Variants in LONP2 observed in about 807,000 individuals in gnomAD.
LONP2 encodes lon protease homolog 2, peroxisomal.
In LONP2, 60 loss-of-function variants were observed where a neutral mutation model predicts 85.6. That is an observed-to-expected ratio of 0.70 (90% CI 0.57 to 0.87). The LOEUF (loss-of-function observed/expected upper bound fraction) is 0.87. LONP2 is among the 40% of genes least tolerant of loss of function. The pLI is 0.00. For missense variants in LONP2, 860 were observed against 1,063.5 expected (o/e 0.81, Z 2.66); for synonymous variants, 395 against 389.7 (o/e 1.01, Z -0.16).
intron 7 of LONP2, among the ~76,000 whole-genome samples, chr16:48,275,763 G>A (rs1047206945): frequency 1.3e-5 from 2 of 152,068 alleles, no homozygotes; most frequent in African/African-American, 2.4e-5. Context: ...GAAAAGCCTC[G>A]AACTCCAGAC....
chr16:48,330,347 G>C (rs987179179), intron 11 of LONP2, among the ~76,000 whole-genome samples: 1 of 152,206 alleles, frequency 6.6e-6, no homozygotes, highest in Non-Finnish European at 1.5e-5. Flanking sequence ...TGAACTTTTT[G>C]TTGTTGGTTT....
At chr16:48,358,102 AT>A (rs1960441770), downstream of LONP2, among the ~76,000 whole-genome samples, 1 of 152,256 alleles carries the variant, frequency 6.6e-6, no homozygotes, top group African/African-American at 2.4e-5. Flanking sequence ...ACCAAGAAAT[AT>A]GGCTATAGAT....
intron 10 of LONP2, among the ~76,000 whole-genome samples, chr16:48,301,522 C>T (rs905270464): frequency 2.6e-5 from 4 of 151,548 alleles, no homozygotes; most frequent in Non-Finnish European, 4.4e-5. Flanking sequence ...GTAATCCCAG[C>T]TACTCGGGAG....
intron 7 of LONP2, among the ~76,000 whole-genome samples, chr16:48,273,282 C>T (rs999245201): frequency 1.8e-4 from 27 of 152,062 alleles, no homozygotes; most frequent in African/African-American, 5.8e-4. Context: ...AAAGTACCTG[C>T]GTATGAGAAG....
intron 11 of LONP2, 90 bp downstream of exon 11, chr16:48,303,395 G>C: frequency 6.6e-7 from 1 of 1,503,772 alleles, no homozygotes; most frequent in Non-Finnish European, 9.2e-7. Flanking sequence ...GTGTTGGGTA[G>C]TCCTTGGAGC....
intron 8 of LONP2, among the ~76,000 whole-genome samples, chr16:48,292,558 C>T (rs375261160): frequency 9.2e-5 from 14 of 152,266 alleles, no homozygotes; most frequent in East Asian, 7.7e-4. Flanking sequence ...AAGTCTGCCT[C>T]CTTACATATT....
intron 1 of LONP2, among the ~76,000 whole-genome samples, chr16:48,246,172 G>T (rs1971375300): frequency 6.6e-6 from 1 of 151,818 alleles, no homozygotes; most frequent in Admixed American, 6.6e-5. Context: ...TTCCACAGCA[G>T]CCCAGTATTC....
intron 14 of LONP2, among the ~76,000 whole-genome samples, chr16:48,349,619 A>G (rs538254900): frequency 6.6e-6 from 1 of 152,352 alleles, no homozygotes; most frequent in South Asian, 2.1e-4. Flanking sequence ...AGCACTTGAA[A>G]GAAAGGCCTG....
chr16:48,359,341 A>G (rs1960489664), downstream of LONP2, among the ~76,000 whole-genome samples: 1 of 152,222 alleles, frequency 6.6e-6, no homozygotes, highest in Non-Finnish European at 1.5e-5. Flanking sequence ...TTAAATATGG[A>G]ATAAAAGTCA....
chr16:48,287,424 C>T (rs963665263), intron 8 of LONP2, among the ~76,000 whole-genome samples: 3 of 152,230 alleles, frequency 2.0e-5, no homozygotes, highest in Admixed American at 1.3e-4. Context: ...GTTTCATTGC[C>T]TCAGGCAGCT....
chr16:48,249,407 A>G (rs1971564869), intron 1 of LONP2, among the ~76,000 whole-genome samples: 1 of 152,242 alleles, frequency 6.6e-6, no homozygotes, highest in Non-Finnish European at 1.5e-5. Context: ...AACCTTTTGT[A>G]TATCATAGAA....
intron 7 of LONP2, 139 bp downstream of exon 7, chr16:48,270,413 A>G (rs1254230165): frequency 1.1e-6 from 1 of 942,262 alleles, no homozygotes; most frequent in Admixed American, 2.6e-5. Flanking sequence ...GGACATTTAC[A>G]AGAAGTATCA....
rs1254384706 is a variant in LONP2 at position 48,354,956 on chromosome 16, CT to C, written c.*3157del. 1 of 152,212 alleles carries C rather than the reference CT, an allele frequency of 6.6e-6. No individual in the cohort carries two copies. The highest frequency in any genetic ancestry group is 1.9e-4 in the East Asian group (1 of 5,204). The allele number at this position is 152,212 out of a possible 1,614,324, so 9.4% of individuals were successfully genotyped here. On this transcript the variant is annotated 3_prime_UTR_variant, in exon 15 of 15. Transcript: ENST00000285737. The stretch of plus-strand genomic sequence containing the variant: ...GTGTTTTGTCAAACAAAAACTAATA[CT>C]TTCCCTGGGAAAAAGCCATGTGGTA...
intron 1 of LONP2, among the ~76,000 whole-genome samples, chr16:48,251,483 A>T (rs1158676331): frequency 6.6e-6 from 1 of 152,208 alleles, no homozygotes; most frequent in East Asian, 1.9e-4. Context: ...ATTACCACTT[A>T]GAACTAGGTT....
At chr16:48,295,424 A>T (rs1972648702) in intron 8 of LONP2, among the ~76,000 whole-genome samples, 1 of 152,230 alleles carries the variant, frequency 6.6e-6, no homozygotes, top group South Asian at 2.1e-4. Flanking sequence ...AATGTTTTGT[A>T]GTAAGCCATT....
chr16:48,277,367 G>A lies in LONP2; in HGVS notation c.1271G>A (p.Arg424His), dbSNP rs754218368. The A allele has an allele frequency of 8.7e-6, 14 of 1,612,938 alleles. No homozygotes were observed. Among genetic ancestry groups the A allele is most frequent in the Middle Eastern group, 1.6e-4 (1 of 6,076 alleles). Residue 424 changes from arginine to histidine, a missense_variant, in exon 8 of 15, where the codon CGC (arginine) becomes CAC (histidine). By Grantham distance (29) the Arg-to-His change is conservative. This residue lies in a region of LONP2 where 743 missense variants were observed against 917.3 expected (regional missense o/e 0.81). Coordinates refer to ENST00000285737, the MANE Select transcript of LONP2 (RefSeq NM_031490.5). Reference protein sequence around the residue: ...RRTYVGSMPGRIINGLKTVGV... With the variant: ...RRTYVGSMPGHIINGLKTVGV... Reference sequence around the variant, plus strand: ...ACCTATGTTGGCAGCATGCCTGGTCGCATCATCAACGGCTTGAAGACTGTG... The same window carrying A: ...ACCTATGTTGGCAGCATGCCTGGTCACATCATCAACGGCTTGAAGACTGTG...
Position 48,347,953 on chromosome 16 carries a change from A to C in LONP2, c.2147-147A>C, listed in dbSNP as rs1960020471. ...TAGAGTAGAATGGAACTGTTCTTCC[A>C]CACCCTCACCCAAATTGTACTGTCC... On this transcript the variant is annotated intron_variant, in intron 13 of 14. Coordinates refer to ENST00000285737, the MANE Select transcript of LONP2 (RefSeq NM_031490.5). The C allele has an allele frequency of 8.2e-5, 65 of 790,272 alleles. No individual in the cohort carries two copies. The South Asian group carries it at 1.1e-3, about 13-fold the overall frequency. 49.0% of individuals were successfully genotyped at this position (790,272 alleles called of 1,614,324 possible). A position where few individuals can be genotyped will look rare whatever the true frequency, so the allele number is the denominator to read the frequency against.
In LONP2 at chr16:48,351,897, G is replaced by C; in HGVS notation, c.*95G>C. 1 of 892,766 alleles carries C rather than the reference G, an allele frequency of 1.1e-6. No homozygotes were observed. Among genetic ancestry groups the C allele is most frequent in the South Asian group, 1.6e-5 (1 of 63,626 alleles). The allele number at this position is 892,766 out of a possible 1,614,324, so 55.3% of individuals were successfully genotyped here. On this transcript the variant is annotated 3_prime_UTR_variant, in exon 15 of 15. Transcript: ENST00000285737. ...TCACACCATTAGGGGTATGCAAGATGTCCCTGTTTTATAAACATAATCACA... is the reference window on the plus strand; with the variant it reads ...TCACACCATTAGGGGTATGCAAGATCTCCCTGTTTTATAAACATAATCACA...
At chr16:48,347,273 T>A (rs935594576) in intron 12 of LONP2, among the ~76,000 whole-genome samples, 1 of 152,260 alleles carries the variant, frequency 6.6e-6, no homozygotes, top group Non-Finnish European at 1.5e-5. Context: ...TATTTACATA[T>A]ATTTTAAGGT....
Sources: gnomAD v4.1 joint callset for allele counts (sites outside exome capture counted in the v4.1 genomes callset) on GRCh38, gnomAD v4.1.1 for gene constraint, gnomAD v4.1.1 regional missense constraint, MANE v1.5 for transcripts, NCBI Gene and HGNC (gene_info 2026-07-23, HGNC 2026-07-21) for gene names.